The following EIF4EBP1 variants were observed in gnomAD, a reference collection of about 807,000 sequenced individuals.
The protein encoded by EIF4EBP1 is eukaryotic translation initiation factor 4E-binding protein 1.
In EIF4EBP1, 5 loss-of-function variants were observed where a neutral mutation model predicts 9.2. That is an observed-to-expected ratio of 0.54 (90% confidence interval 0.28 to 1.14). The LOEUF (loss-of-function observed/expected upper bound fraction) is 1.14. EIF4EBP1 is among the 50% of genes most tolerant of loss of function. The pLI, the probability that EIF4EBP1 is intolerant of heterozygous loss-of-function variation, is 0.09. For synonymous variants in EIF4EBP1, 62 were observed against 67.0 expected (o/e 0.93, Z 0.36); for missense variants, 139 against 169.6 (o/e 0.82, Z 1.00).
At position 38,045,791 on chromosome 8, in the gene EIF4EBP1, G is replaced by A. The variant is rs147963386; in HGVS notation, c.146-11290G>A. On this transcript the variant is annotated intron_variant, in intron 1 of 2. Coordinates refer to ENST00000338825, the MANE Select transcript of EIF4EBP1 (RefSeq NM_004095.4). ...ATCTTGTTCTGTCTCCCAGACTACCGTGCAGTGGTAAAATTGTAGTTCCCT... is the reference window on the plus strand; with the variant it reads ...ATCTTGTTCTGTCTCCCAGACTACCATGCAGTGGTAAAATTGTAGTTCCCT... Among the ~76,000 whole-genome samples the A allele has an allele frequency of 1.2e-4, 18 of 152,020 alleles. No homozygotes were observed. In the East Asian group the frequency reaches 1.5e-3, roughly 13 times the overall value.
chr8:38,044,263 C>A (rs192552263), intron 1 of EIF4EBP1, among the ~76,000 whole-genome samples: 1 of 152,084 alleles, frequency 6.6e-6, no homozygotes, highest in Non-Finnish European at 1.5e-5. Context: ...GAGGGCCATG[C>A]GCGGCTCAGT....
intron 1 of EIF4EBP1, among the ~76,000 whole-genome samples, chr8:38,034,194 G>C (rs1410608547): frequency 6.6e-6 from 1 of 152,014 alleles, no homozygotes; most frequent in East Asian, 1.9e-4. Flanking sequence ...CTATAGGCAC[G>C]TGCCACCATG....
chr8:38,056,280 C>T (rs535650054), intron 1 of EIF4EBP1, among the ~76,000 whole-genome samples: 1 of 152,276 alleles, frequency 6.6e-6, no homozygotes, highest in East Asian at 1.9e-4. Context: ...GTGTGAGCTA[C>T]CACACCTGGC....
chr8:38,033,163 C>G (rs1179805064), intron 1 of EIF4EBP1, among the ~76,000 whole-genome samples: 1 of 149,286 alleles, frequency 6.7e-6, no homozygotes, highest in Non-Finnish European at 1.5e-5. Flanking sequence ...CTCCTGGGTT[C>G]AAGCAATCCT....
At chr8:38,035,225 T>C (rs910613695) in intron 1 of EIF4EBP1, among the ~76,000 whole-genome samples, 1 of 152,138 alleles carries the variant, frequency 6.6e-6, no homozygotes, top group Non-Finnish European at 1.5e-5. Context: ...TTTATTATTA[T>C]TATTATTTTG....
chr8:38,036,079 C>T (rs1027788898), intron 1 of EIF4EBP1, among the ~76,000 whole-genome samples: 9 of 152,092 alleles, frequency 5.9e-5, no homozygotes, highest in African/African-American at 2.2e-4. Flanking sequence ...CGTCTCAGCT[C>T]ACTGCAGCAT....
At chr8:38,051,879 G>C (rs780672724) in intron 1 of EIF4EBP1, among the ~76,000 whole-genome samples, 6 of 152,150 alleles carry the variant, frequency 3.9e-5, no homozygotes, top group Non-Finnish European at 8.8e-5. Context: ...TTACAGGCGT[G>C]AGCCACTGCG....
chr8:38,057,919 G>A (rs1168734963), intron 2 of EIF4EBP1, among the ~76,000 whole-genome samples: 1 of 152,162 alleles, frequency 6.6e-6, no homozygotes, highest in Non-Finnish European at 1.5e-5. Context: ...GAGTGTTGGA[G>A]TTCTCTGCTG....
chr8:38,048,944 G>A (rs1203512294), intron 1 of EIF4EBP1, among the ~76,000 whole-genome samples: 1 of 151,858 alleles, frequency 6.6e-6, no homozygotes, highest in Non-Finnish European at 1.5e-5. Flanking sequence ...GCCTCGACAT[G>A]TAGAAACCCC....
chr8:38,031,015 C>T (rs1809209791), intron 1 of EIF4EBP1, among the ~76,000 whole-genome samples: 1 of 152,194 alleles, frequency 6.6e-6, no homozygotes, highest in African/African-American at 2.4e-5. Context: ...CTGTGCTGCC[C>T]CTTGTGGGTG....
At chr8:38,037,391 AC>A (rs1809318919) in intron 1 of EIF4EBP1, among the ~76,000 whole-genome samples, 1 of 152,076 alleles carries the variant, frequency 6.6e-6, no homozygotes, top group South Asian at 2.1e-4. Flanking sequence ...ATCTCAGCTC[AC>A]TGCAACCTCC....
At chr8:38,058,097 A>G (rs377221621) in intron 2 of EIF4EBP1, among the ~76,000 whole-genome samples, 2 of 152,220 alleles carry the variant, frequency 1.3e-5, no homozygotes, top group Non-Finnish European at 2.9e-5. Context: ...CCTGCAGGAC[A>G]TGATTCATAA....
intron 1 of EIF4EBP1, among the ~76,000 whole-genome samples, chr8:38,039,324 G>A (rs1278544386): frequency 2.0e-5 from 3 of 152,026 alleles, no homozygotes; most frequent in East Asian, 1.9e-4. Flanking sequence ...CCAACTGTAG[G>A]CTAATGTAAG....
intron 2 of EIF4EBP1, among the ~76,000 whole-genome samples, chr8:38,058,426 T>C (rs1161804694): frequency 2.0e-5 from 3 of 152,156 alleles, no homozygotes; most frequent in Non-Finnish European, 4.4e-5. Flanking sequence ...AATCCAGGAA[T>C]GGGCTAATCC....
At chr8:38,042,107 C>T (rs1809389513) in intron 1 of EIF4EBP1, among the ~76,000 whole-genome samples, 1 of 152,128 alleles carries the variant, frequency 6.6e-6, no homozygotes, top group Non-Finnish European at 1.5e-5. Context: ...ATCTCCTCTT[C>T]CCCCTCCAAG....
chr8:38,053,427 A>C (rs908767122), intron 1 of EIF4EBP1, among the ~76,000 whole-genome samples: 1 of 151,600 alleles, frequency 6.6e-6, no homozygotes, highest in Admixed American at 6.6e-5. Flanking sequence ...ATCTCAGCTC[A>C]CTGCAGCCTC....
chr8:38,043,367 CTTTT>C (rs60303823), intron 1 of EIF4EBP1, among the ~76,000 whole-genome samples: 1 of 139,580 alleles, frequency 7.2e-6, no homozygotes. Context: ...TTTTCTTTTT[CTTTT>C]TTTTTTTTTT....
intron 2 of EIF4EBP1, among the ~76,000 whole-genome samples, chr8:38,057,681 T>C (rs1037342987): frequency 6.6e-6 from 1 of 152,230 alleles, no homozygotes; most frequent in Non-Finnish European, 1.5e-5. Context: ...TGGGAAATTA[T>C]ATGTCTACAA....
chr8:38,041,740 C>T (rs1809383377), intron 1 of EIF4EBP1, among the ~76,000 whole-genome samples: 1 of 152,204 alleles, frequency 6.6e-6, no homozygotes, highest in Non-Finnish European at 1.5e-5. Flanking sequence ...CCTGTAATCC[C>T]AGCACTGTGG....
Sources: allele counts gnomAD v4.1 joint callset (sites outside exome capture counted in the v4.1 genomes callset), GRCh38; gene constraint gnomAD v4.1.1; transcripts MANE v1.5; gene names NCBI Gene and HGNC (gene_info 2026-07-23, HGNC 2026-07-21).